Variants in CUBN observed in about 807,000 individuals in gnomAD.
The protein encoded by CUBN is cubilin, also known as 460 kDa receptor.
Under a neutral mutation model 405.3 loss-of-function variants are expected in CUBN, and 282 were observed. The ratio of observed to expected loss-of-function variants is 0.70; its 90% confidence interval spans 0.63 to 0.77. The LOEUF is 0.77. Ranked by LOEUF, CUBN falls within the 30% of genes least tolerant of loss-of-function variation. The pLI, the probability that CUBN is intolerant of heterozygous loss-of-function variation, is 0.00. For synonymous variants in CUBN, 1,684 were observed against 1,617.0 expected, an observed-to-expected ratio of 1.04 and a Z score of -0.99; for missense variants, 4,514 against 4,475.2, an observed-to-expected ratio of 1.01 and a Z score of -0.25.
intron 17 of CUBN, among the ~76,000 whole-genome samples, chr10:17,080,199 A>G (rs1262367153): frequency 6.6e-6 from 1 of 152,086 alleles, no homozygotes; most frequent in Non-Finnish European, 1.5e-5. Flanking sequence ...GCCAATGATT[A>G]TTTTGGAGAG....
At chr10:17,009,290 C>G (rs1286698429) in intron 28 of CUBN, among the ~76,000 whole-genome samples, 3 of 152,212 alleles carry the variant, frequency 2.0e-5, no homozygotes. Context: ...TTTCCAGCAA[C>G]TGGGAGAAAG....
At chr10:16,935,589 G>C (rs1274083803) in intron 39 of CUBN, among the ~76,000 whole-genome samples, 1 of 152,040 alleles carries the variant, frequency 6.6e-6, no homozygotes, top group Non-Finnish European at 1.5e-5. Flanking sequence ...AAGAAATGCT[G>C]ATAGGACAGG....
chr10:16,971,688 A>G (rs1021863291), intron 31 of CUBN, among the ~76,000 whole-genome samples: 1 of 152,018 alleles, frequency 6.6e-6, no homozygotes, highest in South Asian at 2.1e-4. Flanking sequence ...CATAGAACCA[A>G]TCTGGCGCTT....
intron 56 of CUBN, among the ~76,000 whole-genome samples, chr10:16,885,990 C>T (rs1447074398): frequency 6.6e-6 from 1 of 152,150 alleles, no homozygotes; most frequent in Non-Finnish European, 1.5e-5. Context: ...AGATTTTATT[C>T]ACACACATTA....
chr10:16,835,346 C>A, intron 63 of CUBN, 151 bp from the exon 64 acceptor site: 3 of 746,970 alleles, frequency 4.0e-6, no homozygotes, highest in South Asian at 3.2e-5. Context: ...ATAATTGAGA[C>A]CCTGAGCAGT....
intron 14 of CUBN, among the ~76,000 whole-genome samples, chr10:17,098,875 T>C (rs1012189066): frequency 3.9e-5 from 6 of 152,152 alleles, no homozygotes; most frequent in Non-Finnish European, 7.4e-5. Flanking sequence ...ACTTAGACAC[T>C]GAAAGCTATA....
chr10:16,951,799 T>G (rs1388749701), intron 33 of CUBN, among the ~76,000 whole-genome samples: 1 of 152,196 alleles, frequency 6.6e-6, no homozygotes. Context: ...CTTTGATGGA[T>G]AGGTGCGCGC....
chr10:16,842,576 C>CAGGTG (rs1839385708), intron 60 of CUBN, among the ~76,000 whole-genome samples: 1 of 152,132 alleles, frequency 6.6e-6, no homozygotes, highest in Non-Finnish European at 1.5e-5. Flanking sequence ...CAGAGGGCTC[C>CAGGTG]ATCTCCAGGT....
intron 28 of CUBN, among the ~76,000 whole-genome samples, chr10:17,018,901 T>C (rs1343341423): frequency 6.6e-6 from 1 of 151,708 alleles, no homozygotes; most frequent in Non-Finnish European, 1.5e-5. Context: ...TTGGTGCATT[T>C]ACAAACCTTT....
intron 14 of CUBN, among the ~76,000 whole-genome samples, chr10:17,098,773 T>C (rs1836432196): frequency 6.6e-6 from 1 of 152,156 alleles, no homozygotes; most frequent in Non-Finnish European, 1.5e-5. Flanking sequence ...TATTTTTACA[T>C]AACAAGTGAA....
intron 4 of CUBN, among the ~76,000 whole-genome samples, chr10:17,125,922 C>T (rs114980518): frequency 0.014 from 2,062 of 152,260 alleles, 49 homozygotes; most frequent in African/African-American, 0.046. Context: ...AAGGAATACA[C>T]GAACTTGATC....
At chr10:16,999,237 TG>T (rs945191148) in intron 28 of CUBN, among the ~76,000 whole-genome samples, 274 of 152,310 alleles carry the variant, frequency 1.8e-3, no homozygotes, top group African/African-American at 6.4e-3. Context: ...ATCTAAATAC[TG>T]ATGTGTTTCC....
At chr10:17,039,891 T>C (rs1010110142) in intron 27 of CUBN, among the ~76,000 whole-genome samples, 2 of 152,188 alleles carry the variant, frequency 1.3e-5, no homozygotes, top group Non-Finnish European at 2.9e-5. Context: ...AATCTCCTTA[T>C]AGTTAGGACC....
intron 59 of CUBN, among the ~76,000 whole-genome samples, chr10:16,865,652 C>A (rs373984219): frequency 6.6e-5 from 10 of 152,038 alleles, no homozygotes; most frequent in East Asian, 5.8e-4. Flanking sequence ...GTAAAATGCA[C>A]CAATCAGCAG....
intron 48 of CUBN, among the ~76,000 whole-genome samples, chr10:16,909,032 G>C (rs1408025350): frequency 6.6e-6 from 1 of 151,486 alleles, no homozygotes; most frequent in East Asian, 1.9e-4. Flanking sequence ...ACAGGTGCCC[G>C]CCACCGCGCC....
intron 28 of CUBN, among the ~76,000 whole-genome samples, chr10:17,010,007 C>T (rs990888734): frequency 1.3e-5 from 2 of 152,224 alleles, no homozygotes; most frequent in Non-Finnish European, 2.9e-5. Context: ...CCTTGTTCCT[C>T]AGAGCGGTCC....
chr10:16,874,968 A>G (rs921303591), intron 57 of CUBN, among the ~76,000 whole-genome samples: 1 of 152,158 alleles, frequency 6.6e-6, no homozygotes, highest in Non-Finnish European at 1.5e-5. Flanking sequence ...TGTCAGGGAT[A>G]GAATATTATA....
In CUBN at chr10:17,107,561, G is replaced by A. The variant is rs1453010107; in HGVS notation, c.1112-1986C>T. Among the ~76,000 whole-genome samples, 5 of 140,206 alleles carry A rather than the reference G, an allele frequency of 3.6e-5. No individual in the cohort carries two copies. In the South Asian group the frequency reaches 6.6e-4, roughly 18 times the overall value. The allele number at this position is 140,206 out of a possible 152,430, so 92.0% of individuals were successfully genotyped here. On this transcript the variant is annotated intron_variant, in intron 10 of 66. Transcript: ENST00000377833. ...CGCCCAGGCTGGAGTGCAGTGGTGC[G>A]ATCTCAGCTCACTGTAAGCTCCGCC...
intron 45 of CUBN, among the ~76,000 whole-genome samples, chr10:16,916,654 G>A (rs45487598): frequency 0.086 from 13,137 of 152,032 alleles, 698 homozygotes; most frequent in Middle Eastern, 0.14. Context: ...CTGAACTTTC[G>A]CGGTATTAAA....
Sources: allele counts gnomAD v4.1 joint callset (sites outside exome capture counted in the v4.1 genomes callset), GRCh38; gene constraint gnomAD v4.1.1; transcripts MANE v1.5; gene names NCBI Gene and HGNC (gene_info 2026-07-23, HGNC 2026-07-21).